The following ZFHX2 variants were observed in gnomAD, a reference collection of about 807,000 sequenced individuals.
ZFHX2 encodes the protein zinc finger homeobox 2.
Under a neutral mutation model 164.8 loss-of-function variants are expected in ZFHX2, and 75 were observed. That is an observed-to-expected ratio of 0.46 (90% CI 0.38 to 0.55). The LOEUF is 0.55. Ranked by LOEUF, ZFHX2 falls within the 20% of genes least tolerant of loss-of-function variation. The probability of loss-of-function intolerance (pLI) is 0.00; values close to 1 mark genes in which losing one functional copy is unlikely to be tolerated. For synonymous variants in ZFHX2, 1,217 were observed against 1,351.4 expected (o/e 0.90, Z 2.18); for missense variants, 2,933 against 3,308.0 (o/e 0.89, Z 2.78).
In ZFHX2 at chr14:23,551,062, CCCGTTT is replaced by C. The variant is rs1470212371; in HGVS notation, c.-50+275_-50+280del. ...CCGGCGGGCCTCTGCCTTTCCCGTTCCCGTTTCTCCCTCCACCCCCGCATCTCTCTT... is the reference window on the plus strand; with the variant it reads ...CCGGCGGGCCTCTGCCTTTCCCGTTCCTCCCTCCACCCCCGCATCTCTCTT... On this transcript the variant is annotated intron_variant, in intron 1 of 9. Coordinates refer to ENST00000419474, the MANE Select transcript of ZFHX2 (RefSeq NM_033400.3). The surrounding 1 kb of genome is among the most constrained non-coding windows in gnomAD (Gnocchi z 5.3). 6.6e-6 allele frequency among the ~76,000 whole-genome samples: 1 copy of C among 151,974 alleles called. No individual in the cohort carries two copies. The highest frequency in any genetic ancestry group is 1.5e-5 in the Non-Finnish European group (1 of 67,976).
At chr14:23,532,490 C>T in intron 3 of ZFHX2, 77 bp downstream of exon 3, 1 of 1,395,784 alleles carries the variant, frequency 7.2e-7, no homozygotes. Context: ...TTTCCTATCA[C>T]TTTCTTATTC....
rs201904564 is a variant in ZFHX2, at chr14:23,533,254, G to A, written c.2041+31C>T. 2.7e-6 allele frequency: 3 copies of A among 1,106,062 alleles called. No homozygotes were observed. Among genetic ancestry groups the A allele is most frequent in the African/African-American group, 1.6e-5 (1 of 62,774 alleles). The allele number at this position is 1,106,062 out of a possible 1,614,324, so 68.5% of individuals were successfully genotyped here. On this transcript the variant is annotated intron_variant, in intron 2 of 9. Coordinates refer to ENST00000419474, the MANE Select transcript of ZFHX2 (RefSeq NM_033400.3). This position sits in a 1 kb window ranked among gnomAD's most constrained non-coding sequence, Gnocchi z 4.8. ...CGGAATAGAGTTTGGCCCTGGGGAG[G>A]AGAGAAGAGGGAAGAAGCACAGAAG...
At position 23,534,712 on chromosome 14, in the gene ZFHX2, C is replaced by G; in HGVS notation, c.614G>C (p.Gly205Ala). 1.3e-6 allele frequency: 2 copies of G among 1,536,190 alleles called. No individual in the cohort carries two copies. The highest frequency in any genetic ancestry group is 1.7e-6 in the Non-Finnish European group (2 of 1,146,920). The change falls in exon 2 of 10, where the codon GGA becomes GCA. Residue 205 changes from glycine to alanine, a missense_variant. Coordinates refer to ENST00000419474, the MANE Select transcript of ZFHX2 (RefSeq NM_033400.3). The surrounding 1 kb of genome is among the most constrained non-coding windows in gnomAD (Gnocchi z 4.5). The stretch of plus-strand genomic sequence containing the variant: ...AGCCAGCTGGTAGCTCCAGAAAGCT[C>G]CATGCCTTTCCTCACAGGCAGCCGG... Reference protein sequence around the residue: ...PSPAACEERHGAFWSYQLAPN... With the variant: ...PSPAACEERHAAFWSYQLAPN...
intron 1 of ZFHX2, among the ~76,000 whole-genome samples, chr14:23,542,685 G>C (rs939771208): frequency 3.3e-5 from 5 of 152,008 alleles, no homozygotes; most frequent in Non-Finnish European, 7.4e-5. Flanking sequence ...GATCCTATCT[G>C]ATCCTTGCAT....
In ZFHX2 at chr14:23,535,001, C is replaced by G. The variant is rs1238180640; in HGVS notation, c.325G>C (p.Asp109His). ...GTGAAGAATAAGTGGTTGCTTAGGTCCATGGGAGGGAGCCCTTCTTCTTCC... is the reference window on the plus strand; with the variant it reads ...GTGAAGAATAAGTGGTTGCTTAGGTGCATGGGAGGGAGCCCTTCTTCTTCC... ...EEEEEGLPPM[D>H]LSNHLFFTAG... Residue 109 changes from aspartate (D) to histidine (H), a missense_variant, in exon 2 of 10, where the codon GAC becomes CAC. Transcript: ENST00000419474. This position sits in a 1 kb window ranked among gnomAD's most constrained non-coding sequence, Gnocchi z 4.5. The G allele has an allele frequency of 4.6e-6, 7 of 1,536,010 alleles. No individual in the cohort carries two copies. The highest frequency in any genetic ancestry group is 1.4e-5 in the African/African-American group (1 of 73,034).
At position 23,522,838 on chromosome 14, in the gene ZFHX2, G is replaced by A; in HGVS notation, c.6843C>T (p.Pro2281=). The A allele has an allele frequency of 1.3e-6, 2 of 1,533,248 alleles. No individual in the cohort carries two copies. The highest frequency in any genetic ancestry group is 4.9e-5 in the East Asian group (2 of 40,880). The allele number at this position is 1,533,248 out of a possible 1,614,324, so 95.0% of individuals were successfully genotyped here. ...TGGAGGTGTTGGTTTGGTCGGGCAT[G>A]GGTCTCTGAGGTAAGGGGCGGCCTG... is the stretch of plus-strand genomic sequence containing the variant. ...AGPGRPLPQR[P]MPDQTNTSTA... is the part of the protein sequence containing the mutation. The change falls in exon 10 of 10, where the codon CCC becomes CCT. Residue 2281 remains proline, a synonymous_variant. Coordinates refer to ENST00000419474, the MANE Select transcript of ZFHX2 (RefSeq NM_033400.3).
In ZFHX2 at chr14:23,524,026, C is replaced by A. The variant is rs758377234; in HGVS notation, c.5916G>T (p.Thr1972=). Residue 1972 remains threonine, a synonymous_variant, in exon 9 of 10, where the codon ACG becomes ACT. Coordinates refer to ENST00000419474, the MANE Select transcript of ZFHX2 (RefSeq NM_033400.3). The surrounding 1 kb of genome is among the most constrained non-coding windows in gnomAD (Gnocchi z 5.6). ...EAPAFPYPTA[T]LASGPQPFLP... is the part of the protein sequence containing the mutation. ...GGAAAGGCTGGGGCCCAGAAGCAAGCGTGGCAGTGGGGTAGGGAAAAGCAG... is the reference window on the plus strand; with the variant it reads ...GGAAAGGCTGGGGCCCAGAAGCAAGAGTGGCAGTGGGGTAGGGAAAAGCAG... The A allele has an allele frequency of 2.8e-5, 42 of 1,514,586 alleles. No individual in the cohort carries two copies. Among genetic ancestry groups the A allele is most frequent in the Non-Finnish European group, 3.6e-5 (41 of 1,135,282 alleles). 93.8% of individuals were successfully genotyped at this position (1,514,586 alleles called of 1,614,324 possible). A position where few individuals can be genotyped will look rare whatever the true frequency, so the allele number is the denominator to read the frequency against.
In ZFHX2 at chr14:23,546,327, C is replaced by T. The variant is rs1378172727; in HGVS notation, c.-50+5016G>A. Among the ~76,000 whole-genome samples the T allele has an allele frequency of 2.0e-5, 3 of 152,156 alleles. No individual in the cohort carries two copies. The highest frequency in any genetic ancestry group is 7.2e-5 in the African/African-American group (3 of 41,418). ...TCCTGCCAAATACAGAAAGAGGGCTCCTGTTCTCTCATTAGACTTTGGGGT... is the reference window on the plus strand; with the variant it reads ...TCCTGCCAAATACAGAAAGAGGGCTTCTGTTCTCTCATTAGACTTTGGGGT... On this transcript the variant is annotated intron_variant, in intron 1 of 9. Coordinates refer to ENST00000419474, the MANE Select transcript of ZFHX2 (RefSeq NM_033400.3). This position sits in a 1 kb window ranked among gnomAD's most constrained non-coding sequence, Gnocchi z 4.7.
chr14:23,525,549 G>T lies in ZFHX2; in HGVS notation c.4393C>A (p.Pro1465Thr), dbSNP rs766492038. ...YNEGKQAVPP[P>T]PTPPPPEALG... ...GCCTCAGGTGGGGGTGGGGTAGGGG[G>T]AGGGGGCACAGCTTGCTTCCCTTCA... Residue 1465 changes from proline to threonine, a missense_variant, in exon 9 of 10, where the codon CCC (proline) becomes ACC (threonine). Transcript: ENST00000419474. The surrounding 1 kb of genome is among the most constrained non-coding windows in gnomAD (Gnocchi z 5.9). The T allele has an allele frequency of 4.2e-5, 65 of 1,535,440 alleles. No homozygotes were observed. The highest frequency in any genetic ancestry group is 4.0e-4 in the South Asian group (34 of 84,038).
chr14:23,531,252 A>T (rs1232179141), intron 4 of ZFHX2: 1 of 485,054 alleles, frequency 2.1e-6, no homozygotes, highest in Non-Finnish European at 3.3e-6. Flanking sequence ...GTTCTATGTC[A>T]TCCACCCAGC....
At chr14:23,530,585 A>C in intron 4 of ZFHX2, 2 of 408,624 alleles carry the variant, frequency 4.9e-6, no homozygotes, top group South Asian at 2.0e-5. Flanking sequence ...CAGCTGCTGC[A>C]GTGAGCAGGA....
chr14:23,533,801 G>A lies in ZFHX2; in HGVS notation c.1525C>T (p.Arg509Cys), dbSNP rs753498485. The change falls in exon 2 of 10, where the codon CGC becomes TGC. Residue 509 changes from arginine to cysteine, a missense_variant. Transcript: ENST00000419474. The surrounding 1 kb of genome is among the most constrained non-coding windows in gnomAD (Gnocchi z 4.8). ...ESYNCGYKPY[R>C]CDVCNYSTTT... Reference sequence around the variant, plus strand: ...GTAGAGTAGTTGCAGACGTCACAGCGGTAGGGTTTGTAGCCACAGTTGTAG... The same window carrying A: ...GTAGAGTAGTTGCAGACGTCACAGCAGTAGGGTTTGTAGCCACAGTTGTAG... 1.6e-5 allele frequency: 25 copies of A among 1,546,902 alleles called. No individual in the cohort carries two copies. The Admixed American group carries it at 3.3e-4, about 20-fold the overall frequency.
chr14:23,522,578 C>A lies in ZFHX2; in HGVS notation c.7103G>T (p.Gly2368Val). The part of the protein sequence containing the change: ...PPAVFGPQLQ[G>V]AYFQQLYGMK... The stretch of plus-strand genomic sequence containing the variant: ...GCCATAGAGCTGTTGGAAGTAGGCC[C>A]CCTGTAGCTGGGGGCCAAAGACAGC... The change falls in exon 10 of 10, where the codon GGG becomes GTG. Residue 2368 changes from glycine to valine, a missense_variant. Coordinates refer to ENST00000419474, the MANE Select transcript of ZFHX2 (RefSeq NM_033400.3). 2.0e-6 allele frequency: 3 copies of A among 1,527,648 alleles called. No individual in the cohort carries two copies. In the South Asian group the frequency reaches 3.6e-5, roughly 18 times the overall value. 94.6% of individuals were successfully genotyped at this position (1,527,648 alleles called of 1,614,324 possible).
chr14:23,522,055 C>T lies in ZFHX2; in HGVS notation c.7626G>A (p.Ser2542=), dbSNP rs552911279. The T allele has an allele frequency of 4.8e-5, 73 of 1,536,454 alleles. 1 individual carries two copies. The Middle Eastern group carries it at 8.4e-4, about 18-fold the overall frequency. Residue 2542 remains serine, a synonymous_variant, in exon 10 of 10, where the codon TCG becomes TCA. Transcript: ENST00000419474. ...CCTCTTTGGCAAAAGCCACAGCAGCCGAGGCAGCAGTGGCGGCGTTGGTGA... is the reference window on the plus strand; with the variant it reads ...CCTCTTTGGCAAAAGCCACAGCAGCTGAGGCAGCAGTGGCGGCGTTGGTGA... The part of the protein sequence containing the change: ...ISITNAATAA[S]AAVAFAKEEA...
Position 23,524,540 on chromosome 14 carries a change from G to A in ZFHX2, c.5402C>T (p.Pro1801Leu), listed in dbSNP as rs764169611. The A allele has an allele frequency of 1.3e-6, 2 of 1,527,256 alleles. No homozygotes were observed. Among genetic ancestry groups the A allele is most frequent in the Non-Finnish European group, 1.8e-6 (2 of 1,142,092 alleles). The allele number at this position is 1,527,256 out of a possible 1,614,324, so 94.6% of individuals were successfully genotyped here. A position where few individuals can be genotyped will look rare whatever the true frequency, so the allele number is the denominator to read the frequency against. ...HFLPSLQPSA[P>L]PQLLDLPLLV... Reference sequence around the variant, plus strand: ...CAAGGGCAGATCTAGGAGTTGGGGGGGAGCACTGGGCTGCAGAGATGGCAG... The same window carrying A: ...CAAGGGCAGATCTAGGAGTTGGGGGAGAGCACTGGGCTGCAGAGATGGCAG... The change falls in exon 9 of 10, where the codon CCC (proline) becomes CTC (leucine). Residue 1801 changes from proline to leucine, a missense_variant. Physicochemically the swap from Pro to Leu is moderately conservative, Grantham distance 98. Coordinates refer to ENST00000419474, the MANE Select transcript of ZFHX2 (RefSeq NM_033400.3). The surrounding 1 kb of genome is among the most constrained non-coding windows in gnomAD (Gnocchi z 5.6).
In ZFHX2 at chr14:23,526,081, C is replaced by T. The variant is rs781750982; in HGVS notation, c.3861G>A (p.Gly1287=). The change falls in exon 9 of 10, where the codon GGG becomes GGA. Residue 1287 remains glycine, a synonymous_variant. Coordinates refer to ENST00000419474, the MANE Select transcript of ZFHX2 (RefSeq NM_033400.3). ...TGGGCTCTTCTTGGCTGCGTTCTGG[C>T]CCTTCAATCTTGGAATCAGTCTTGG... ...RGTKTDSKIE[G]PERSQEEPKE... 22 of 1,536,492 alleles carry T rather than the reference C, an allele frequency of 1.4e-5. No homozygotes were observed. In the South Asian group the frequency reaches 2.6e-4, roughly 18 times the overall value.
At chr14:23,532,507 T>C in intron 3 of ZFHX2, 60 bp downstream of exon 3, 1 of 1,411,134 alleles carries the variant, frequency 7.1e-7, no homozygotes, top group African/African-American at 1.4e-5. Flanking sequence ...ATTCTGCATC[T>C]CCTCCCTCTG....
At chr14:23,549,173 C>T (rs565985279) in intron 1 of ZFHX2, among the ~76,000 whole-genome samples, 2 of 152,124 alleles carry the variant, frequency 1.3e-5, no homozygotes, top group East Asian at 1.9e-4. Flanking sequence ...GCTATCAACA[C>T]GTTTTGTTTC....
rs991238252 is a variant in ZFHX2, at chr14:23,535,171, C to T, written c.155G>A (p.Arg52Lys). The change falls in exon 2 of 10, where the codon AGG becomes AAG. Residue 52 changes from arginine (R) to lysine (K), a missense_variant. By Grantham distance (26) the Arg-to-Lys change is conservative. Coordinates refer to ENST00000419474, the MANE Select transcript of ZFHX2 (RefSeq NM_033400.3). This position sits in a 1 kb window ranked among gnomAD's most constrained non-coding sequence, Gnocchi z 4.5. ...PAASSTSENM[R>K]SSEPGGQLLE... is the part of the protein sequence containing the mutation. The stretch of plus-strand genomic sequence containing the variant: ...GAGCTGTCCCCCTGGCTCTGAGGAC[C>T]TCATGTTCTCAGAGGTGGAGGAGGC... The T allele has an allele frequency of 3.3e-5, 51 of 1,534,686 alleles. No individual in the cohort carries two copies. The highest frequency in any genetic ancestry group is 4.2e-5 in the Non-Finnish European group (48 of 1,145,714).
Sources: gnomAD v4.1 joint callset for allele counts (sites outside exome capture counted in the v4.1 genomes callset) on GRCh38, gnomAD v4.1.1 for gene constraint, Gnocchi (gnomAD v3.1) non-coding constraint, MANE v1.5 for transcripts, NCBI Gene and HGNC (gene_info 2026-07-23, HGNC 2026-07-21) for gene names.